The following IGF2BP3 variants were observed in gnomAD, a reference collection of about 807,000 sequenced individuals.
IGF2BP3 encodes insulin-like growth factor 2 mRNA-binding protein 3.
Under a neutral mutation model 73.8 loss-of-function variants are expected in IGF2BP3, and 9 were observed. That is an observed-to-expected ratio of 0.12 (90% CI 0.07 to 0.21). The LOEUF (loss-of-function observed/expected upper bound fraction) is 0.21. Ranked by LOEUF, IGF2BP3 falls within the 10% of genes least tolerant of loss-of-function variation. The pLI is 1.00. For synonymous variants in IGF2BP3, 258 were observed against 256.7 expected, an observed-to-expected ratio of 1.01 and a Z score of -0.05; for missense variants, 542 against 714.0, an observed-to-expected ratio of 0.76 and a Z score of 2.75.
At chr7:23,453,835 G>T (rs967843632) in intron 2 of IGF2BP3, among the ~76,000 whole-genome samples, 1 of 151,874 alleles carries the variant, frequency 6.6e-6, no homozygotes, top group Non-Finnish European at 1.5e-5. Flanking sequence ...AGACAAGGGT[G>T]TTTTTTTTGT....
intron 12 of IGF2BP3, among the ~76,000 whole-genome samples, chr7:23,316,968 A>G (rs1032529053): frequency 2.0e-5 from 3 of 152,168 alleles, no homozygotes; most frequent in Admixed American, 2.0e-4. Context: ...AGGTGCTCTT[A>G]TCCCTGGTTT....
intron 3 of IGF2BP3, among the ~76,000 whole-genome samples, chr7:23,383,337 T>C (rs1042436548): frequency 6.6e-6 from 1 of 152,186 alleles, no homozygotes; most frequent in Non-Finnish European, 1.5e-5. Flanking sequence ...TCAGATTATT[T>C]GTCTAAGAAG....
At chr7:23,336,677 G>A (rs963359231) in intron 10 of IGF2BP3, among the ~76,000 whole-genome samples, 2 of 152,148 alleles carry the variant, frequency 1.3e-5, no homozygotes, top group Non-Finnish European at 2.9e-5. Flanking sequence ...GCCGGCTGCA[G>A]TGGCTCACGT....
At chr7:23,456,974 G>C (rs543053656) in intron 2 of IGF2BP3, among the ~76,000 whole-genome samples, 1 of 152,036 alleles carries the variant, frequency 6.6e-6, no homozygotes, top group East Asian at 1.9e-4. Context: ...CCTTGAAACC[G>C]GGAGGCGGAG....
intron 10 of IGF2BP3, among the ~76,000 whole-genome samples, chr7:23,328,937 C>T (rs1003854621): frequency 5.3e-5 from 8 of 152,118 alleles, no homozygotes; most frequent in Non-Finnish European, 7.4e-5. Flanking sequence ...GAGCCGGGCG[C>T]GGTGGCTCAT....
intron 5 of IGF2BP3, among the ~76,000 whole-genome samples, chr7:23,359,688 A>C (rs1226922407): frequency 6.6e-6 from 1 of 152,148 alleles, no homozygotes; most frequent in Non-Finnish European, 1.5e-5. Flanking sequence ...GTCTACAAAA[A>C]AAATACAAAA....
At chr7:23,392,653 G>A (rs754951691) in intron 3 of IGF2BP3, among the ~76,000 whole-genome samples, 2 of 151,874 alleles carry the variant, frequency 1.3e-5, no homozygotes, top group Non-Finnish European at 2.9e-5. Context: ...TGGAGACAGG[G>A]TCTTGCTGCT....
At chr7:23,316,548 G>A (rs1033229768) in intron 12 of IGF2BP3, among the ~76,000 whole-genome samples, 1 of 151,988 alleles carries the variant, frequency 6.6e-6, no homozygotes, top group Non-Finnish European at 1.5e-5. Context: ...GGCGGCACAT[G>A]CCTGTAATCC....
At chr7:23,359,811 A>T (rs1785180937) in intron 5 of IGF2BP3, among the ~76,000 whole-genome samples, 1 of 152,208 alleles carries the variant, frequency 6.6e-6, no homozygotes, top group South Asian at 2.1e-4. Flanking sequence ...CTGAGGGTAT[A>T]AAAGGTAAAA....
In IGF2BP3 at chr7:23,368,327, AAAAG is replaced by A. The variant is rs1263141071; in HGVS notation, c.286-6590_286-6587del. On this transcript the variant is annotated intron_variant, in intron 3 of 14. Coordinates refer to ENST00000258729, the MANE Select transcript of IGF2BP3 (RefSeq NM_006547.3). ...GAAAGAGAGAAAGAGAGAGAGAAAG[AAAAG>A]AAAGAAAGAAAAAAAGAAAGAAAGA... is the stretch of plus-strand genomic sequence containing the variant. Among the ~76,000 whole-genome samples, 341 of 124,600 alleles carry A rather than the reference AAAAG, an allele frequency of 2.7e-3. 1 individual carries two copies. The highest frequency in any genetic ancestry group is 0.01 in the African/African-American group (315 of 30,766). The allele number at this position is 124,600 out of a possible 152,430, so 81.7% of individuals were successfully genotyped here. A position where few individuals can be genotyped will look rare whatever the true frequency, so the allele number is the denominator to read the frequency against.
intron 2 of IGF2BP3, among the ~76,000 whole-genome samples, chr7:23,424,224 C>G (rs866337005): frequency 1.3e-5 from 2 of 151,982 alleles, no homozygotes; most frequent in African/African-American, 4.8e-5. Flanking sequence ...AAAGGCCAGG[C>G]GCAGTGGCTC....
intron 2 of IGF2BP3, among the ~76,000 whole-genome samples, chr7:23,427,240 C>T (rs1009685119): frequency 3.3e-5 from 5 of 152,032 alleles, no homozygotes; most frequent in African/African-American, 9.7e-5. Flanking sequence ...TATGAGGGTG[C>T]GGGCAGGAAG....
chr7:23,320,003 C>T (rs1043731823), intron 10 of IGF2BP3, among the ~76,000 whole-genome samples: 6 of 152,078 alleles, frequency 3.9e-5, no homozygotes, highest in African/African-American at 4.8e-5. Flanking sequence ...CTCCACCTCC[C>T]GGATTCAAGC....
At chr7:23,340,751 C>A (rs901621584) in intron 10 of IGF2BP3, among the ~76,000 whole-genome samples, 6 of 152,124 alleles carry the variant, frequency 3.9e-5, no homozygotes, top group African/African-American at 1.4e-4. Context: ...TGCTGTGCTG[C>A]GATTATTTTC....
At chr7:23,402,052 G>A (rs1473329043) in intron 3 of IGF2BP3, among the ~76,000 whole-genome samples, 1 of 152,116 alleles carries the variant, frequency 6.6e-6, no homozygotes, top group African/African-American at 2.4e-5. Flanking sequence ...AGGAGGCAGA[G>A]GCTGCAGTGA....
At chr7:23,380,194 C>T (rs970526216) in intron 3 of IGF2BP3, among the ~76,000 whole-genome samples, 4 of 123,368 alleles carry the variant, frequency 3.2e-5, no homozygotes, top group Admixed American at 2.9e-4. Context: ...GATGGAGTCT[C>T]GCTCTGTTGC....
intron 10 of IGF2BP3, among the ~76,000 whole-genome samples, chr7:23,323,709 A>T (rs934927316): frequency 5.1e-4 from 77 of 152,164 alleles, no homozygotes; most frequent in Non-Finnish European, 1.0e-3. Context: ...ACAGAAATTA[A>T]AACAAACTAT....
chr7:23,402,498 G>A (rs1313606537), intron 3 of IGF2BP3: 1 of 152,162 alleles, frequency 6.6e-6, no homozygotes. Flanking sequence ...GGTGATGGGA[G>A]TAAAACATTT....
chr7:23,352,905 T>G (rs1785002750), intron 5 of IGF2BP3, among the ~76,000 whole-genome samples: 1 of 150,640 alleles, frequency 6.6e-6, no homozygotes. Flanking sequence ...TTGTGTTCTG[T>G]TTTCTGGGGT....
Sources: gnomAD v4.1 joint callset for allele counts (sites outside exome capture counted in the v4.1 genomes callset) on GRCh38, gnomAD v4.1.1 for gene constraint, MANE v1.5 for transcripts, NCBI Gene and HGNC (gene_info 2026-07-23, HGNC 2026-07-21) for gene names.